Variants in ABTB2 observed in about 807,000 individuals in gnomAD.
ABTB2 encodes the protein ankyrin repeat and BTB/POZ domain-containing protein 2.
ABTB2 carries 56 observed loss-of-function variants against 104.1 expected under a neutral mutation model. The observed-to-expected ratio is 0.54, with a 90% CI of 0.43 to 0.67. The LOEUF (loss-of-function observed/expected upper bound fraction) is 0.67, where lower values mean the gene tolerates loss of function less well. Ranked by LOEUF, ABTB2 falls within the 30% of genes least tolerant of loss-of-function variation. The probability of loss-of-function intolerance (pLI) is 0.00; values close to 1 mark genes in which losing one functional copy is unlikely to be tolerated. For synonymous variants in ABTB2, 606 were observed against 608.2 expected (o/e 1.00, Z 0.05); for missense variants, 1,279 against 1,407.7 (o/e 0.91, Z 1.46).
intron 1 of ABTB2, among the ~76,000 whole-genome samples, chr11:34,318,355 T>G (rs569619818): frequency 2.0e-4 from 30 of 152,214 alleles, no homozygotes; most frequent in Middle Eastern, 3.4e-3. Flanking sequence ...TGAGAACATG[T>G]GATATTTGAT....
chr11:34,179,493 C>T lies in ABTB2; in HGVS notation c.1245-6186G>A, dbSNP rs576062336. On this transcript the variant is annotated intron_variant, in intron 3 of 16. Coordinates refer to ENST00000435224, the MANE Select transcript of ABTB2 (RefSeq NM_145804.3). ...AGCTGGCATTTCGCCCCTGGTGGCACACGGTCTGGTGAATCCTAGAGTGGT... is the reference window on the plus strand; with the variant it reads ...AGCTGGCATTTCGCCCCTGGTGGCATACGGTCTGGTGAATCCTAGAGTGGT... Among the ~76,000 whole-genome samples the T allele has an allele frequency of 3.9e-4, 60 of 152,286 alleles. 1 individual carries two copies. The highest frequency in any genetic ancestry group is 4.9e-4 in the Non-Finnish European group (33 of 68,030).
At chr11:34,242,472 T>TA (rs1853931728) in intron 1 of ABTB2, 3 of 152,306 alleles carry the variant, frequency 2.0e-5, no homozygotes, top group Admixed American at 6.6e-5. Flanking sequence ...ATCCAGCACT[T>TA]ACCTCATCCT....
intron 1 of ABTB2, among the ~76,000 whole-genome samples, chr11:34,342,260 C>G (rs573408458): frequency 8.1e-4 from 124 of 152,312 alleles, no homozygotes; most frequent in Non-Finnish European, 1.5e-3. Context: ...AAATACCTAC[C>G]CCACAGTTCT....
At chr11:34,159,229 C>T in intron 14 of ABTB2, 67 bp downstream of exon 14, 2 of 1,238,124 alleles carry the variant, frequency 1.6e-6, no homozygotes, top group South Asian at 1.2e-5. Context: ...TGCACAGCTG[C>T]CCACAAGGTG....
At chr11:34,337,717 T>C (rs1242588646) in intron 1 of ABTB2, among the ~76,000 whole-genome samples, 1 of 152,202 alleles carries the variant, frequency 6.6e-6, no homozygotes, top group Non-Finnish European at 1.5e-5. Context: ...AGATACTGCA[T>C]GCAAATCACT....
intron 1 of ABTB2, among the ~76,000 whole-genome samples, chr11:34,287,496 C>A (rs1171027803): frequency 6.6e-6 from 1 of 152,150 alleles, no homozygotes; most frequent in Non-Finnish European, 1.5e-5. Flanking sequence ...CTGTAGTGAG[C>A]TAAGAGCACA....
chr11:34,265,228 C>T (rs1026872124), intron 1 of ABTB2, among the ~76,000 whole-genome samples: 7 of 152,174 alleles, frequency 4.6e-5, no homozygotes, highest in South Asian at 4.1e-4. Context: ...GCCCTTTCAC[C>T]GGCCTAGCTG....
At chr11:34,213,763 C>A (rs1341792557) in intron 1 of ABTB2, among the ~76,000 whole-genome samples, 1 of 152,142 alleles carries the variant, frequency 6.6e-6, no homozygotes, top group East Asian at 1.9e-4. Context: ...CCAAGCAGAT[C>A]AATTTCAGGA....
rs1035756720 is a variant in ABTB2 at position 34,253,692 on chromosome 11, T to A, written c.884-49002A>T. 1.8e-4 allele frequency among the ~76,000 whole-genome samples: 26 copies of A among 145,026 alleles called. 1 individual carries two copies. The highest frequency in any genetic ancestry group is 4.0e-4 in the East Asian group (2 of 5,014). ...TTCCGTCTCAAAAAAAAAAAAAAAA[T>A]TTTTTTTTCAGGGGAACCTACCAGG... On this transcript the variant is annotated intron_variant, in intron 1 of 16. Transcript: ENST00000435224.
chr11:34,311,197 A>G (rs1854848613), intron 1 of ABTB2, among the ~76,000 whole-genome samples: 2 of 152,206 alleles, frequency 1.3e-5, no homozygotes, highest in Admixed American at 6.5e-5. Context: ...CTGGCTTGTC[A>G]GGCCCCGGAA....
chr11:34,298,964 T>G lies in ABTB2; in HGVS notation c.883+57737A>C, dbSNP rs74498544. 1.1e-3 allele frequency among the ~76,000 whole-genome samples: 161 copies of G among 152,342 alleles called. 1 individual carries two copies. The East Asian group carries it at 0.026, about 25-fold the overall frequency. On this transcript the variant is annotated intron_variant, in intron 1 of 16. Coordinates refer to ENST00000435224, the MANE Select transcript of ABTB2 (RefSeq NM_145804.3). ...TTCAAATTCCAGCCCTTGAACAGTT[T>G]GAATGATTGAAGACACAGCTTAAGG... is the stretch of plus-strand genomic sequence containing the variant.
chr11:34,277,256 T>A (rs1210305916), intron 1 of ABTB2, among the ~76,000 whole-genome samples: 1 of 152,162 alleles, frequency 6.6e-6, no homozygotes, highest in Non-Finnish European at 1.5e-5. Flanking sequence ...CCCCAGTTAA[T>A]CTAGGGTCTC....
At chr11:34,168,058 CCT>C in intron 5 of ABTB2, 66 bp from the exon 6 acceptor site, 1 of 1,510,890 alleles carries the variant, frequency 6.6e-7, no homozygotes, top group Non-Finnish European at 9.1e-7. Flanking sequence ...TGCCCACAGG[CCT>C]CTGCCCCAGA....
In ABTB2 at chr11:34,159,304, TGTG is replaced by T; in HGVS notation, c.2686_2688del (p.His896del). On this transcript the variant is annotated inframe_deletion, in exon 14 of 17. Transcript: ENST00000435224. Reference sequence around the variant, plus strand: ...CACCAAGACCCACACACCTGAAAAATGTGGTACTTCATGTCGCTGATCTCGATG... The same window carrying T: ...CACCAAGACCCACACACCTGAAAAATGTACTTCATGTCGCTGATCTCGATG... 2 of 1,613,272 alleles carry T rather than the reference TGTG, an allele frequency of 1.2e-6. No individual in the cohort carries two copies. Among genetic ancestry groups the T allele is most frequent in the Middle Eastern group, 1.7e-4 (1 of 6,038 alleles).
intron 1 of ABTB2, among the ~76,000 whole-genome samples, chr11:34,214,176 A>AC (rs1853521683): frequency 6.6e-5 from 10 of 150,438 alleles, no homozygotes; most frequent in Non-Finnish European, 1.3e-4. Context: ...ACACACACAC[A>AC]AAGTAAATGG....
chr11:34,247,266 C>A (rs1590229129), intron 1 of ABTB2, among the ~76,000 whole-genome samples: 1 of 152,202 alleles, frequency 6.6e-6, no homozygotes, highest in Non-Finnish European at 1.5e-5. Flanking sequence ...AGCACCACCC[C>A]CTCCCAAAGC....
At chr11:34,334,693 C>T (rs965977103) in intron 1 of ABTB2, among the ~76,000 whole-genome samples, 1 of 152,102 alleles carries the variant, frequency 6.6e-6, no homozygotes, top group Non-Finnish European at 1.5e-5. Flanking sequence ...CCGTGTTTCC[C>T]ATCCCCTCAC....
chr11:34,296,151 A>G (rs1358079283), intron 1 of ABTB2, among the ~76,000 whole-genome samples: 4 of 152,334 alleles, frequency 2.6e-5, no homozygotes, highest in African/African-American at 9.6e-5. Context: ...AAATAAAAAT[A>G]AAGTGAATCC....
At chr11:34,185,250 C>T (rs1853082520) in intron 3 of ABTB2, among the ~76,000 whole-genome samples, 1 of 152,172 alleles carries the variant, frequency 6.6e-6, no homozygotes, top group Non-Finnish European at 1.5e-5. Context: ...GAGTGAAATT[C>T]TTGACTGGCA....
Sources: allele counts gnomAD v4.1 joint callset (sites outside exome capture counted in the v4.1 genomes callset), GRCh38; gene constraint gnomAD v4.1.1; transcripts MANE v1.5; gene names NCBI Gene and HGNC (gene_info 2026-07-23, HGNC 2026-07-21).